Variants in CTNNA3 observed in about 807,000 individuals in gnomAD.
CTNNA3 encodes catenin alpha-3.
CTNNA3 carries 76 observed loss-of-function variants against 95.7 expected under a neutral mutation model. That is an observed-to-expected ratio of 0.79 (90% CI 0.66 to 0.96). The LOEUF (loss-of-function observed/expected upper bound fraction) is 0.96. Ranked by LOEUF, CTNNA3 falls within the 40% of genes least tolerant of loss-of-function variation. CTNNA3 has a pLI of 0.00. For missense variants in CTNNA3, 1,191 were observed against 1,089.8 expected (o/e 1.09, Z -1.31); for synonymous variants, 431 against 374.4 (o/e 1.15, Z -1.74).
At chr10:65,950,497 T>C (rs1037171583) in intron 17 of CTNNA3, among the ~76,000 whole-genome samples, 3 of 152,236 alleles carry the variant, frequency 2.0e-5, no homozygotes, top group Non-Finnish European at 4.4e-5. Context: ...TCTGTTTTTT[T>C]CCTTCAGCTG....
chr10:67,039,289 C>G (rs1854256089), intron 7 of CTNNA3, among the ~76,000 whole-genome samples: 1 of 151,996 alleles, frequency 6.6e-6, no homozygotes, highest in Non-Finnish European at 1.5e-5. Context: ...GAATATTATA[C>G]CTTATGAAAT....
intron 15 of CTNNA3, among the ~76,000 whole-genome samples, chr10:66,053,496 A>T (rs892997782): frequency 3.9e-5 from 6 of 152,188 alleles, no homozygotes; most frequent in Non-Finnish European, 8.8e-5. Context: ...AGTTACAAAC[A>T]ATCCAATTAT....
In CTNNA3 at chr10:67,236,691, A is replaced by G. The variant is rs1407259750; in HGVS notation, c.580-16821T>C. On this transcript the variant is annotated intron_variant, in intron 5 of 17. Transcript: ENST00000433211. ...ATAAATAAAAAATAAAAAAATAAAAAAAGAAGATATACAAATGGCCAACAA... is the reference window on the plus strand; with the variant it reads ...ATAAATAAAAAATAAAAAAATAAAAGAAGAAGATATACAAATGGCCAACAA... Among the ~76,000 whole-genome samples the G allele has an allele frequency of 6.6e-5, 10 of 152,096 alleles. No homozygotes were observed. The East Asian group carries it at 1.7e-3, about 26-fold the overall frequency.
chr10:66,117,133 G>A (rs921074170), intron 13 of CTNNA3, among the ~76,000 whole-genome samples: 3 of 152,096 alleles, frequency 2.0e-5, no homozygotes, highest in Admixed American at 6.6e-5. Context: ...GATTGTGAAG[G>A]GGTATGAGTA....
At chr10:66,782,036 A>T (rs971073982) in intron 7 of CTNNA3, among the ~76,000 whole-genome samples, 1 of 152,176 alleles carries the variant, frequency 6.6e-6, no homozygotes, top group African/African-American at 2.4e-5. Context: ...TTATAAAAGT[A>T]TTTATAAAAT....
chr10:67,748,634 A>C (rs1841385813), intron 1 of CTNNA3, among the ~76,000 whole-genome samples: 1 of 152,252 alleles, frequency 6.6e-6, no homozygotes. Context: ...AACCAGTACC[A>C]GCCACTGCAA....
intron 5 of CTNNA3, among the ~76,000 whole-genome samples, chr10:67,225,588 T>G (rs1246239177): frequency 6.6e-6 from 1 of 152,016 alleles, no homozygotes; most frequent in Non-Finnish European, 1.5e-5. Flanking sequence ...CAGAGCAGGG[T>G]AGACTTGCTG....
At chr10:67,251,494 T>C (rs2132358743) in intron 5 of CTNNA3, among the ~76,000 whole-genome samples, 1 of 152,318 alleles carries the variant, frequency 6.6e-6, no homozygotes, top group East Asian at 1.9e-4. Context: ...TATGCCTTAA[T>C]AGAGTGGTTA....
At chr10:66,298,064 G>C (rs1345222250) in intron 12 of CTNNA3, among the ~76,000 whole-genome samples, 1 of 152,172 alleles carries the variant, frequency 6.6e-6, no homozygotes, top group Non-Finnish European at 1.5e-5. Context: ...TATTTTTCCT[G>C]TCTGGTTCAT....
intron 5 of CTNNA3, among the ~76,000 whole-genome samples, chr10:67,440,137 C>T (rs111371380): frequency 0.085 from 12,947 of 152,138 alleles, 657 homozygotes; most frequent in South Asian, 0.16. Context: ...GGCCTGGCAG[C>T]GTTCACCACA....
chr10:66,791,973 A>G (rs2132205634), intron 7 of CTNNA3, among the ~76,000 whole-genome samples: 1 of 152,338 alleles, frequency 6.6e-6, no homozygotes, highest in Non-Finnish European at 1.5e-5. Flanking sequence ...TCATATGAGG[A>G]AAAACACCAC....
intron 11 of CTNNA3, among the ~76,000 whole-genome samples, chr10:66,471,308 C>T (rs1182553050): frequency 6.6e-6 from 1 of 151,428 alleles, no homozygotes; most frequent in Non-Finnish European, 1.5e-5. Flanking sequence ...ATTATTATAT[C>T]TTTCTTATTT....
At chr10:67,170,137 T>C (rs992198792) in intron 7 of CTNNA3, among the ~76,000 whole-genome samples, 7 of 152,194 alleles carry the variant, frequency 4.6e-5, no homozygotes, top group African/African-American at 1.4e-4. Context: ...CTGGCAAGGT[T>C]GCAGAGAAAA....
At chr10:66,208,320 A>T (rs2087899340) in intron 13 of CTNNA3, among the ~76,000 whole-genome samples, 1 of 152,154 alleles carries the variant, frequency 6.6e-6, no homozygotes. Context: ...ACATATTAAC[A>T]GGAAATAGAT....
chr10:67,224,103 G>A (rs899653542), intron 5 of CTNNA3, among the ~76,000 whole-genome samples: 3 of 152,160 alleles, frequency 2.0e-5, no homozygotes, highest in African/African-American at 4.8e-5. Flanking sequence ...TATGTGCTGT[G>A]AGAACATGTA....
chr10:66,050,430 T>C (rs992134814), intron 15 of CTNNA3, among the ~76,000 whole-genome samples: 1 of 152,008 alleles, frequency 6.6e-6, no homozygotes, highest in Admixed American at 6.6e-5. Context: ...ATGCATTTTT[T>C]TTTTTTCCTT....
At chr10:66,758,723 T>C (rs1839477914) in intron 9 of CTNNA3, among the ~76,000 whole-genome samples, 1 of 152,066 alleles carries the variant, frequency 6.6e-6, no homozygotes, top group Non-Finnish European at 1.5e-5. Context: ...TCACCTGAAG[T>C]CAGGAGTTTG....
intron 5 of CTNNA3, among the ~76,000 whole-genome samples, chr10:67,375,327 C>T (rs182595629): frequency 5.3e-5 from 8 of 152,178 alleles, no homozygotes; most frequent in Admixed American, 1.3e-4. Flanking sequence ...TGCAATGGGC[C>T]GGGTGCAGTG....
intron 13 of CTNNA3, among the ~76,000 whole-genome samples, chr10:66,238,712 A>C (rs182075938): frequency 2.8e-4 from 43 of 151,886 alleles, no homozygotes; most frequent in Non-Finnish European, 4.4e-4. Context: ...TTTTTCAAAT[A>C]TCTTCACAGA....
Sources: allele counts gnomAD v4.1 joint callset (sites outside exome capture counted in the v4.1 genomes callset), GRCh38; gene constraint gnomAD v4.1.1; transcripts MANE v1.5; gene names NCBI Gene and HGNC (gene_info 2026-07-23, HGNC 2026-07-21).